Variants in SDK1 observed in about 807,000 individuals in gnomAD.
The protein encoded by SDK1 is sidekick cell adhesion molecule 1.
A neutral mutation model predicts 245.5 loss-of-function variants in SDK1; 157 were observed. The ratio of observed to expected loss-of-function variants is 0.64; its 90% CI spans 0.56 to 0.73. The LOEUF is 0.73. Ranked by LOEUF, SDK1 falls within the 30% of genes least tolerant of loss-of-function variation. The pLI, the probability that SDK1 is intolerant of heterozygous loss-of-function variation, is 0.00. For synonymous variants in SDK1, 1,647 were observed against 1,278.5 expected (o/e 1.29, Z -6.15); for missense variants, 3,583 against 3,002.3 (o/e 1.19, Z -4.52).
At chr7:3,635,289 G>C (rs1028373932) in intron 2 of SDK1, among the ~76,000 whole-genome samples, 1 of 152,098 alleles carries the variant, frequency 6.6e-6, no homozygotes, top group Admixed American at 6.5e-5. Context: ...CTTTATAAAA[G>C]ATTTTATTAA....
At chr7:3,513,165 A>T (rs1195854512) in intron 1 of SDK1, among the ~76,000 whole-genome samples, 1 of 152,194 alleles carries the variant, frequency 6.6e-6, no homozygotes, top group African/African-American at 2.4e-5. Flanking sequence ...TCTGTGACAG[A>T]CACTAGATTT....
At chr7:4,080,457 T>C (rs79166943) in intron 22 of SDK1, among the ~76,000 whole-genome samples, 1,694 of 152,254 alleles carry the variant, frequency 0.011, 23 homozygotes, top group African/African-American at 0.027. Context: ...ATCCTTGTGG[T>C]TTTCATGACT....
At chr7:3,707,787 T>G (rs1251658479) in intron 4 of SDK1, among the ~76,000 whole-genome samples, 1 of 152,234 alleles carries the variant, frequency 6.6e-6, no homozygotes, top group Non-Finnish European at 1.5e-5. Flanking sequence ...TTCATCCTCT[T>G]ATCATTACAT....
intron 4 of SDK1, among the ~76,000 whole-genome samples, chr7:3,820,717 C>A (rs1185035200): frequency 1.3e-5 from 2 of 152,232 alleles, no homozygotes; most frequent in Admixed American, 1.3e-4. Flanking sequence ...TTACCTAAGA[C>A]AAGCAACTTA....
intron 32 of SDK1, among the ~76,000 whole-genome samples, chr7:4,165,036 A>T (rs987100434): frequency 1.3e-5 from 2 of 152,252 alleles, no homozygotes; most frequent in African/African-American, 2.4e-5. Flanking sequence ...TTTCACCTGT[A>T]AACCTTTTGT....
chr7:3,507,778 A>G (rs2128610424), intron 1 of SDK1, among the ~76,000 whole-genome samples: 1 of 152,258 alleles, frequency 6.6e-6, no homozygotes, highest in South Asian at 2.1e-4. Flanking sequence ...TAGCATTGGA[A>G]TATGTGTTAG....
chr7:3,372,064 G>A (rs1781241419), intron 1 of SDK1, among the ~76,000 whole-genome samples: 3 of 152,196 alleles, frequency 2.0e-5, no homozygotes, highest in Admixed American at 6.5e-5. Context: ...ACAGTTTACA[G>A]GCTATTCAGA....
chr7:3,400,492 A>G (rs1043966554), intron 1 of SDK1, among the ~76,000 whole-genome samples: 1 of 152,146 alleles, frequency 6.6e-6, no homozygotes, highest in Non-Finnish European at 1.5e-5. Context: ...GCCTTTACCC[A>G]TTTTATCAAC....
rs181772205 is a variant in SDK1 at position 3,592,580 on chromosome 7, C to G, written c.299-26500C>G. Among the ~76,000 whole-genome samples the G allele has an allele frequency of 5.2e-3, 789 of 152,206 alleles. 5 individuals carry two copies. Among genetic ancestry groups the G allele is most frequent in the South Asian group, 0.02 (96 of 4,814 alleles). ...GTGAAGGTTATTTATTTATTTTTCCCTGAGCTGGATTTTACCCTCTGTTTA... is the reference window on the plus strand; with the variant it reads ...GTGAAGGTTATTTATTTATTTTTCCGTGAGCTGGATTTTACCCTCTGTTTA... On this transcript the variant is annotated intron_variant, in intron 1 of 44. Transcript: ENST00000404826.
chr7:4,095,373 C>T lies in SDK1; in HGVS notation c.3325-15290C>T, dbSNP rs943392174. ...CCCCACACCTGAGGTCTATGTGTAG[C>T]GGACCTGCATAGCCAACCCATTTGG... On this transcript the variant is annotated intron_variant, in intron 22 of 44. Coordinates refer to ENST00000404826, the MANE Select transcript of SDK1 (RefSeq NM_152744.4). Among the ~76,000 whole-genome samples, 12 of 152,234 alleles carry T rather than the reference C, an allele frequency of 7.9e-5. 1 individual carries two copies. Among genetic ancestry groups the T allele is most frequent in the Admixed American group, 2.6e-4 (4 of 15,292 alleles).
At chr7:3,615,017 A>G (rs1381381026) in intron 1 of SDK1, among the ~76,000 whole-genome samples, 1 of 151,674 alleles carries the variant, frequency 6.6e-6, no homozygotes, top group Non-Finnish European at 1.5e-5. Flanking sequence ...GAGTTGTAGT[A>G]TCATTTTAAT....
At chr7:3,464,209 CT>C (rs35255080) in intron 1 of SDK1, among the ~76,000 whole-genome samples, 35 of 152,174 alleles carry the variant, frequency 2.3e-4, no homozygotes, top group African/African-American at 7.5e-4. Flanking sequence ...GACAGAGTAA[CT>C]TTTTTTTCCC....
intron 7 of SDK1, among the ~76,000 whole-genome samples, chr7:3,955,785 C>G (rs1340494339): frequency 6.6e-6 from 1 of 152,222 alleles, no homozygotes; most frequent in Non-Finnish European, 1.5e-5. Flanking sequence ...TCCTTCTCCA[C>G]TGCGGTTGCC....
chr7:3,393,972 C>T (rs555163911), intron 1 of SDK1, among the ~76,000 whole-genome samples: 47 of 152,160 alleles, frequency 3.1e-4, no homozygotes, highest in African/African-American at 1.1e-3. Context: ...CTTATTTGTA[C>T]CCATCCTTCT....
intron 1 of SDK1, among the ~76,000 whole-genome samples, chr7:3,431,762 C>CT (rs763734418): frequency 6.6e-6 from 1 of 152,116 alleles, no homozygotes; most frequent in Non-Finnish European, 1.5e-5. Context: ...ACCTTAACCT[C>CT]TGTCTATGTC....
At chr7:4,077,603 T>G (rs1359384006) in intron 21 of SDK1, among the ~76,000 whole-genome samples, 3 of 152,170 alleles carry the variant, frequency 2.0e-5, no homozygotes, top group Non-Finnish European at 2.9e-5. Flanking sequence ...GACTTACAGT[T>G]CCGTATGGTT....
Position 4,158,657 on chromosome 7 carries a change from G to C in SDK1, c.4729+106G>C, listed in dbSNP as rs1780924281. 21 of 732,050 alleles carry C rather than the reference G, an allele frequency of 2.9e-5. No individual in the cohort carries two copies. The South Asian group carries it at 3.4e-4, about 12-fold the overall frequency. The allele number at this position is 732,050 out of a possible 1,614,324, so 45.3% of individuals were successfully genotyped here. A position where few individuals can be genotyped will look rare whatever the true frequency, so the allele number is the denominator to read the frequency against. Reference sequence around the variant, plus strand: ...GCCAGAAAGGGGCCACCAGGGAGTGGTGGAAAGCAGTAGAATTCCATTAGT... The same window carrying C: ...GCCAGAAAGGGGCCACCAGGGAGTGCTGGAAAGCAGTAGAATTCCATTAGT... On this transcript the variant is annotated intron_variant, in intron 31 of 44. Coordinates refer to ENST00000404826, the MANE Select transcript of SDK1 (RefSeq NM_152744.4).
At chr7:3,418,444 G>C (rs1014150933) in intron 1 of SDK1, among the ~76,000 whole-genome samples, 3 of 152,114 alleles carry the variant, frequency 2.0e-5, no homozygotes, top group Non-Finnish European at 2.9e-5. Context: ...TCCAGAAAGA[G>C]CAAAGAGCCT....
In SDK1 at chr7:3,469,563, G is replaced by A. The variant is rs1303773309; in HGVS notation, c.299-149517G>A. 3.9e-5 allele frequency among the ~76,000 whole-genome samples: 6 copies of A among 152,316 alleles called. No homozygotes were observed. The East Asian group carries it at 1.2e-3, about 29-fold the overall frequency. ...ATTGTGACTTAGTTTTCCGGTTAGG[G>A]CCTATTCCTAGGTTGTTTTTGCAAA... is the stretch of plus-strand genomic sequence containing the variant. On this transcript the variant is annotated intron_variant, in intron 1 of 44. Coordinates refer to ENST00000404826, the MANE Select transcript of SDK1 (RefSeq NM_152744.4).
Sources: allele counts gnomAD v4.1 joint callset (sites outside exome capture counted in the v4.1 genomes callset), GRCh38; gene constraint gnomAD v4.1.1; transcripts MANE v1.5; gene names NCBI Gene and HGNC (gene_info 2026-07-23, HGNC 2026-07-21).